KCNA2: variants seen among roughly 807,000 people sequenced by gnomAD.
KCNA2 encodes the protein potassium channel, voltage gated shaker related subfamily A, member 2.
In KCNA2, 11 loss-of-function variants were observed where a neutral mutation model predicts 33.4. That is an observed-to-expected ratio of 0.33 (90% CI 0.21 to 0.55). The LOEUF is 0.55. KCNA2 is among the 20% of genes least tolerant of loss of function. The pLI is 0.93. For synonymous variants in KCNA2, 222 were observed against 231.3 expected (o/e 0.96, Z 0.37); for missense variants, 291 against 621.6 (o/e 0.47, Z 5.66).
At position 110,599,482 on chromosome 1, in the gene KCNA2, G is replaced by A; in HGVS notation, c.*3801C>T. 1 of 985,424 alleles carries A rather than the reference G, an allele frequency of 1.0e-6. No homozygotes were observed. Among genetic ancestry groups the A allele is most frequent in the Non-Finnish European group, 1.2e-6 (1 of 829,938 alleles). The allele number at this position is 985,424 out of a possible 1,614,324, so 61.0% of individuals were successfully genotyped here. On this transcript the variant is annotated 3_prime_UTR_variant, in exon 3 of 3. Coordinates refer to ENST00000316361, the MANE Select transcript of KCNA2 (RefSeq NM_004974.4). ...GAGCCCAACAAGAGGAAAAGGAAGAGCGTGCCCGGGATTGAACACACCCAG... is the reference window on the plus strand; with the variant it reads ...GAGCCCAACAAGAGGAAAAGGAAGAACGTGCCCGGGATTGAACACACCCAG...
chr1:110,601,794 A>ATGTGTGTGTGTGTGTGTG lies in KCNA2; in HGVS notation c.*1471_*1488dup. 1.2e-6 allele frequency: 1 copy of ATGTGTGTGTGTGTGTGTG among 838,936 alleles called. No individual in the cohort carries two copies. The highest frequency in any genetic ancestry group is 1.5e-6 in the Non-Finnish European group (1 of 672,850). 52.0% of individuals were successfully genotyped at this position (838,936 alleles called of 1,614,324 possible). ...AGAAAATGAATATATATATATATAT[A>ATGTGTGTGTGTGTGTGTG]TGTGTGTGTGTGTGTGTGTGTGTGT... On this transcript the variant is annotated 3_prime_UTR_variant, in exon 3 of 3. Transcript: ENST00000316361.
At chr1:110,610,652 T>A (rs962556583), upstream of KCNA2, among the ~76,000 whole-genome samples, 4 of 152,230 alleles carry the variant, frequency 2.6e-5, no homozygotes, top group Non-Finnish European at 4.4e-5. Flanking sequence ...GCCATTCTAC[T>A]GCCCACTTTT....
chr1:110,621,111 T>C (rs576700294), intron 1 of KCNA2, among the ~76,000 whole-genome samples: 3 of 152,334 alleles, frequency 2.0e-5, no homozygotes, highest in Admixed American at 1.3e-4. Flanking sequence ...TCTCTGGGGA[T>C]TCCTGGGTGC....
upstream of KCNA2, among the ~76,000 whole-genome samples, chr1:110,611,189 T>C (rs1351424430): frequency 6.6e-6 from 1 of 152,246 alleles, no homozygotes; most frequent in Non-Finnish European, 1.5e-5. Flanking sequence ...ACTCTGTTAA[T>C]GTCACTGTTG....
chr1:110,615,726 T>C lies in KCNA2; in HGVS notation c.-495-10004A>G, dbSNP rs555100638. ...CTAAATCATCCTGGCATTCCTGGTG[T>C]TGCAGAACCAACGTGTATCTAGAAG... On this transcript the variant is annotated intron_variant, in intron 1 of 4. Transcript: ENST00000369770. 2.0e-5 allele frequency among the ~76,000 whole-genome samples: 3 copies of C among 152,302 alleles called. No homozygotes were observed. The South Asian group carries it at 6.2e-4, about 32-fold the overall frequency.
chr1:110,630,818 CT>C (rs1486937902), intron 1 of KCNA2, among the ~76,000 whole-genome samples: 1 of 152,202 alleles, frequency 6.6e-6, no homozygotes, highest in Non-Finnish European at 1.5e-5. Flanking sequence ...CTGCCTCCCC[CT>C]GCTCACTCCC....
At chr1:110,620,527 G>A (rs1438254359) in intron 1 of KCNA2, among the ~76,000 whole-genome samples, 3 of 152,162 alleles carry the variant, frequency 2.0e-5, no homozygotes, top group African/African-American at 7.2e-5. Context: ...TTGGCAGAAG[G>A]CCAGAGAGGA....
chr1:110,603,979 G>A lies in KCNA2; in HGVS notation c.804C>T (p.Ile268=). Reference sequence around the variant, plus strand: ...TCTCAGCCAACTCTGTCCCCAGGGTGATGAAGTAGGGGATGATGGCCACAA... The same window carrying A: ...TCTCAGCCAACTCTGTCCCCAGGGTAATGAAGTAGGGGATGATGGCCACAA... ...IDIVAIIPYF[I]TLGTELAEKP... The change falls in exon 3 of 3, where the codon ATC becomes ATT. Residue 268 remains isoleucine, a synonymous_variant. Coordinates refer to ENST00000316361, the MANE Select transcript of KCNA2 (RefSeq NM_004974.4). This position sits in a 1 kb window ranked among gnomAD's most constrained non-coding sequence, Gnocchi z 5.7. 1 of 1,614,232 alleles carries A rather than the reference G, an allele frequency of 6.2e-7. No individual in the cohort carries two copies. The highest frequency in any genetic ancestry group is 8.5e-7 in the Non-Finnish European group (1 of 1,180,044).
At chr1:110,613,026 G>A (rs1649929976) in intron 1 of KCNA2, among the ~76,000 whole-genome samples, 1 of 152,182 alleles carries the variant, frequency 6.6e-6, no homozygotes, top group Non-Finnish European at 1.5e-5. Context: ...TTGCTCTGAG[G>A]ATTAAATGAG....
intron 1 of KCNA2, among the ~76,000 whole-genome samples, chr1:110,618,293 G>A (rs1023736060): frequency 6.6e-6 from 1 of 152,244 alleles, no homozygotes; most frequent in Admixed American, 6.5e-5. Flanking sequence ...GTTACAGTGA[G>A]GTATGATCGT....
rs543085761 is a variant in KCNA2 at position 110,615,910 on chromosome 1, C to G, written c.-495-10188G>C. On this transcript the variant is annotated intron_variant, in intron 1 of 4. Transcript: ENST00000369770. ...GAGTCTTGGGATGCTTGCTGTTCAC[C>G]TGAAATTCTAGGCTCATCCAACAGT... is the stretch of plus-strand genomic sequence containing the variant. Among the ~76,000 whole-genome samples, 7 of 152,298 alleles carry G rather than the reference C, an allele frequency of 4.6e-5. No individual in the cohort carries two copies. The South Asian group carries it at 1.5e-3, about 32-fold the overall frequency.
At chr1:110,619,710 C>T (rs1215379343) in intron 1 of KCNA2, among the ~76,000 whole-genome samples, 1 of 152,220 alleles carries the variant, frequency 6.6e-6, no homozygotes, top group African/African-American at 2.4e-5. Flanking sequence ...GATAAAAGGT[C>T]AGGGGAGATT....
Position 110,598,084 on chromosome 1 carries a change from G to A in KCNA2, c.*5199C>T, listed in dbSNP as rs1285471567. The A allele has an allele frequency of 1.0e-6, 1 of 984,816 alleles. No homozygotes were observed. The highest frequency in any genetic ancestry group is 1.2e-6 in the Non-Finnish European group (1 of 829,398). 61.0% of individuals were successfully genotyped at this position (984,816 alleles called of 1,614,324 possible). A position where few individuals can be genotyped will look rare whatever the true frequency, so the allele number is the denominator to read the frequency against. ...CCCCTCTCTGCGCGTTGGCTCAGGT[G>A]ACTGATGATGTTAATGAGGTTAAGG... On this transcript the variant is annotated 3_prime_UTR_variant, in exon 3 of 3. Transcript: ENST00000316361.
chr1:110,612,850 T>C (rs1352948784), intron 1 of KCNA2, among the ~76,000 whole-genome samples: 1 of 152,202 alleles, frequency 6.6e-6, no homozygotes, highest in East Asian at 1.9e-4. Flanking sequence ...CCTCGAAAGC[T>C]CTAACTGGCT....
upstream of KCNA2, among the ~76,000 whole-genome samples, chr1:110,609,094 C>G (rs888520553): frequency 3.9e-5 from 6 of 152,104 alleles, no homozygotes; most frequent in African/African-American, 1.4e-4. Context: ...ACCTCCAGTT[C>G]CCTTCCCTAT....
In KCNA2 at chr1:110,598,888, C is replaced by G. The variant is rs534390354; in HGVS notation, c.*4395G>C. The G allele has an allele frequency of 1.0e-6, 1 of 985,446 alleles. No homozygotes were observed. The highest frequency in any genetic ancestry group is 1.7e-5 in the African/African-American group (1 of 57,368). 61.0% of individuals were successfully genotyped at this position (985,446 alleles called of 1,614,324 possible). ...AATTTGACCCACTCAGCCACTCTCTCTTCCTGACAATCTCTCCACCTTTCC... is the reference window on the plus strand; with the variant it reads ...AATTTGACCCACTCAGCCACTCTCTGTTCCTGACAATCTCTCCACCTTTCC... On this transcript the variant is annotated 3_prime_UTR_variant, in exon 3 of 3. Transcript: ENST00000316361.
intron 1 of KCNA2, among the ~76,000 whole-genome samples, chr1:110,621,230 A>G (rs1042441633): frequency 2.6e-5 from 4 of 152,230 alleles, no homozygotes; most frequent in Non-Finnish European, 4.4e-5. Flanking sequence ...TCCATAAAAA[A>G]TGGATTAGTG....
Position 110,601,826 on chromosome 1 carries a change from G to GTATATACATATACACACATA in KCNA2, c.*1456_*1457insTATGTGTGTATATGTATATA, listed in dbSNP as rs1557730287. ...TGTGTGTGTGTGTGTGTGTGTGTGT[G>GTATATACATATACACACATA]TGTATACATATACACACATATGTAT... On this transcript the variant is annotated 3_prime_UTR_variant, in exon 3 of 3. Coordinates refer to ENST00000316361, the MANE Select transcript of KCNA2 (RefSeq NM_004974.4). 1 of 1,316,320 alleles carries GTATATACATATACACACATA rather than the reference G, an allele frequency of 7.6e-7. No individual in the cohort carries two copies. The highest frequency in any genetic ancestry group is 1.5e-5 in the African/African-American group (1 of 64,608). The allele number at this position is 1,316,320 out of a possible 1,614,324, so 81.5% of individuals were successfully genotyped here.
intron 1 of KCNA2, among the ~76,000 whole-genome samples, chr1:110,627,467 G>A (rs1009275525): frequency 7.2e-5 from 11 of 152,032 alleles, no homozygotes; most frequent in African/African-American, 1.5e-4. Flanking sequence ...TTGTTTATAC[G>A]GACAACATCA....
Sources: allele counts gnomAD v4.1 joint callset (sites outside exome capture counted in the v4.1 genomes callset), GRCh38; gene constraint gnomAD v4.1.1; non-coding constraint Gnocchi (gnomAD v3.1); transcripts MANE v1.5; gene names NCBI Gene and HGNC (gene_info 2026-07-23, HGNC 2026-07-21).